PDE10A: variants seen among roughly 807,000 people sequenced by gnomAD.
PDE10A encodes the protein phosphodiesterase 10A, also known as cAMP and cAMP-inhibited cGMP 3',5'-cyclic phosphodiesterase 10A.
A neutral mutation model predicts 97.7 loss-of-function variants in PDE10A; 39 were observed. That is an observed-to-expected ratio of 0.40 (90% CI 0.31 to 0.52). The LOEUF is 0.52. Among genes scored for constraint, PDE10A ranks in the 20% least tolerant of loss-of-function variants. PDE10A has a pLI of 0.56. For missense variants in PDE10A, 731 were observed against 1,047.8 expected (o/e 0.70, Z 4.17); for synonymous variants, 371 against 376.8 (o/e 0.98, Z 0.18).
chr6:165,835,491 C>T (rs1403790359), intron 1 of PDE10A, among the ~76,000 whole-genome samples: 7 of 152,242 alleles, frequency 4.6e-5, no homozygotes, highest in Non-Finnish European at 8.8e-5. Context: ...CTCCTGTGCT[C>T]GCCAGCTCTG....
intron 2 of PDE10A, among the ~76,000 whole-genome samples, chr6:165,542,655 G>T (rs1271599479): frequency 2.0e-5 from 2 of 100,312 alleles, no homozygotes; most frequent in Non-Finnish European, 3.5e-5. Context: ...GTCTTGCTCT[G>T]TTGCCCAGGC....
At chr6:165,909,573 GTT>G (rs1400355854) in intron 1 of PDE10A, among the ~76,000 whole-genome samples, 1 of 152,194 alleles carries the variant, frequency 6.6e-6, no homozygotes, top group Non-Finnish European at 1.5e-5. Context: ...TCATAGCAGA[GTT>G]TGAGGGATGT....
intron 3 of PDE10A, among the ~76,000 whole-genome samples, chr6:165,465,809 G>A (rs1322722892): frequency 6.6e-6 from 1 of 152,190 alleles, no homozygotes; most frequent in East Asian, 1.9e-4. Context: ...GACACATGGG[G>A]ATTATTACAA....
intron 1 of PDE10A, among the ~76,000 whole-genome samples, chr6:165,913,412 T>C (rs1207456318): frequency 1.3e-5 from 2 of 152,174 alleles, no homozygotes; most frequent in African/African-American, 2.4e-5. Context: ...TGTTTGCATA[T>C]AGCCTACACA....
At chr6:165,958,561 GAAAGACAGACAGAAAGAAAGACAGAA>G (rs1562327279) in intron 1 of PDE10A, among the ~76,000 whole-genome samples, 10 of 13,328 alleles carry the variant, frequency 7.5e-4, no homozygotes, top group South Asian at 2.7e-3. Context: ...AAGAAAGAAA[GAAAGACAGACAGAAAGAAAGACAGAA>G]AGAGAGAAAG....
intron 3 of PDE10A, among the ~76,000 whole-genome samples, chr6:165,458,537 T>C (rs1223107628): frequency 1.3e-5 from 2 of 152,186 alleles, no homozygotes; most frequent in African/African-American, 4.8e-5. Flanking sequence ...GCCACCAGTC[T>C]ATGGGACTTT....
At chr6:165,465,261 C>A (rs961776376) in intron 3 of PDE10A, among the ~76,000 whole-genome samples, 1 of 152,204 alleles carries the variant, frequency 6.6e-6, no homozygotes, top group Admixed American at 6.5e-5. Flanking sequence ...GCGAGCTACA[C>A]AGGTATAGGT....
intron 1 of PDE10A, among the ~76,000 whole-genome samples, chr6:165,960,396 C>A (rs191687164): frequency 6.6e-6 from 1 of 152,140 alleles, no homozygotes; most frequent in African/African-American, 2.4e-5. Flanking sequence ...CCCTCATCCA[C>A]GGGATTCCAG....
intron 1 of PDE10A, among the ~76,000 whole-genome samples, chr6:165,794,220 A>C (rs1163520190): frequency 7.1e-6 from 1 of 140,188 alleles, no homozygotes; most frequent in Non-Finnish European, 1.6e-5. Flanking sequence ...TCATCACACA[A>C]TCATACACTC....
chr6:165,552,266 C>T (rs544566296), intron 1 of PDE10A, among the ~76,000 whole-genome samples: 1 of 152,300 alleles, frequency 6.6e-6, no homozygotes, highest in Non-Finnish European at 1.5e-5. Context: ...TAGCACAGTG[C>T]CTGGCTCTGG....
At chr6:165,881,969 G>A (rs376349441) in intron 1 of PDE10A, among the ~76,000 whole-genome samples, 2 of 152,078 alleles carry the variant, frequency 1.3e-5, no homozygotes, top group African/African-American at 2.4e-5. Flanking sequence ...AATGATTCAC[G>A]TGATCTGCTG....
intron 1 of PDE10A, among the ~76,000 whole-genome samples, chr6:165,710,437 G>A (rs969628994): frequency 2.0e-5 from 3 of 152,194 alleles, no homozygotes; most frequent in Non-Finnish European, 4.4e-5. Context: ...TATAAAAACA[G>A]ACAACTAAGA....
At chr6:165,409,017 T>C (rs937012748) in intron 13 of PDE10A, among the ~76,000 whole-genome samples, 1 of 150,404 alleles carries the variant, frequency 6.6e-6, no homozygotes, top group Non-Finnish European at 1.5e-5. Flanking sequence ...TACAAAAAAT[T>C]AGCTGGGTGT....
chr6:165,423,431 C>A (rs557222467), intron 10 of PDE10A, among the ~76,000 whole-genome samples: 1 of 152,152 alleles, frequency 6.6e-6, no homozygotes, highest in African/African-American at 2.4e-5. Flanking sequence ...TTGTTGGTTA[C>A]GAGTTCTCAC....
At chr6:165,761,871 C>G (rs1211460247) in intron 1 of PDE10A, among the ~76,000 whole-genome samples, 1 of 152,162 alleles carries the variant, frequency 6.6e-6, no homozygotes, top group Non-Finnish European at 1.5e-5. Context: ...AACTATGTAA[C>G]TAGCAAATGA....
chr6:165,516,882 A>C (rs2128305553), intron 2 of PDE10A, among the ~76,000 whole-genome samples: 1 of 152,324 alleles, frequency 6.6e-6, no homozygotes, highest in African/African-American at 2.4e-5. Flanking sequence ...ATCCTTGAAT[A>C]CTAAAAATGA....
intron 1 of PDE10A, among the ~76,000 whole-genome samples, chr6:165,872,030 T>C (rs1173846087): frequency 6.6e-6 from 1 of 152,098 alleles, no homozygotes; most frequent in Non-Finnish European, 1.5e-5. Flanking sequence ...AGCGTTGCCT[T>C]GTTCTCATCA....
At chr6:165,333,822 C>T (rs1342620669) in intron 21 of PDE10A, among the ~76,000 whole-genome samples, 1 of 152,242 alleles carries the variant, frequency 6.6e-6, no homozygotes, top group African/African-American at 2.4e-5. Context: ...AACCATCTTA[C>T]TCTACATGGC....
intron 1 of PDE10A, among the ~76,000 whole-genome samples, chr6:165,719,732 C>A (rs1365619590): frequency 6.6e-6 from 1 of 152,208 alleles, no homozygotes; most frequent in Non-Finnish European, 1.5e-5. Flanking sequence ...CGGTTGGAAA[C>A]TCTACTGTCA....
Sources: allele counts gnomAD v4.1 joint callset (sites outside exome capture counted in the v4.1 genomes callset), GRCh38; gene constraint gnomAD v4.1.1; transcripts MANE v1.5; gene names NCBI Gene and HGNC (gene_info 2026-07-23, HGNC 2026-07-21).